The following RFX7 variants were observed in gnomAD, a reference collection of about 807,000 sequenced individuals.
The protein encoded by RFX7 is regulatory factor X7, also known as DNA-binding protein RFX7.
In RFX7, 26 loss-of-function variants were observed where a neutral mutation model predicts 111.8. The ratio of observed to expected loss-of-function variants is 0.23; its 90% confidence interval spans 0.17 to 0.32. RFX7 has a LOEUF of 0.32. Among genes scored for constraint, RFX7 ranks in the 10% least tolerant of loss-of-function variants. The pLI is 1.00. For missense variants in RFX7, 1,573 were observed against 1,772.9 expected (o/e 0.89, Z 2.02); for synonymous variants, 624 against 624.4 (o/e 1.00, Z 0.01).
intron 3 of RFX7, among the ~76,000 whole-genome samples, chr15:56,171,219 A>G (rs2042841889): frequency 6.6e-6 from 1 of 152,168 alleles, no homozygotes; most frequent in South Asian, 2.1e-4. Flanking sequence ...ACTGACCTCT[A>G]GGTTTTTAGG....
intron 3 of RFX7, among the ~76,000 whole-genome samples, chr15:56,165,627 A>C (rs2042773308): frequency 6.6e-6 from 1 of 152,156 alleles, no homozygotes; most frequent in African/African-American, 2.4e-5. Flanking sequence ...TCCATTTTTG[A>C]CCAGGTGAGT....
chr15:56,198,401 T>G (rs1400083616), intron 2 of RFX7, among the ~76,000 whole-genome samples: 1 of 152,144 alleles, frequency 6.6e-6, no homozygotes, highest in Non-Finnish European at 1.5e-5. Context: ...ATATGTTCCA[T>G]TAGAGTAAAA....
rs1159838428 is a variant in RFX7 at position 56,092,796 on chromosome 15, G to T, written c.*549C>A. On this transcript the variant is annotated 3_prime_UTR_variant, in exon 10 of 10. Transcript: ENST00000559447. ...TTTTCTATTTAAGCCCTTCATCGTG[G>T]GTGTAAATGGTACTGAAGCCCCAGA... is the stretch of plus-strand genomic sequence containing the variant. The T allele has an allele frequency of 6.6e-6, 1 of 152,326 alleles. No individual in the cohort carries two copies. The highest frequency in any genetic ancestry group is 6.6e-5 in the Admixed American group (1 of 15,228). 9.4% of individuals were successfully genotyped at this position (152,326 alleles called of 1,614,324 possible).
In RFX7 at chr15:56,144,446, T is replaced by C. The variant is rs575562664; in HGVS notation, c.233A>G (p.Tyr78Cys). Residue 78 changes from tyrosine (Y) to cysteine (C), a missense_variant, in exon 4 of 10, where the codon TAC becomes TGC. Transcript: ENST00000559447. The part of the protein sequence containing the change: ...VEKFTDLEKL[Y>C]LYLQLPSGLS... Reference sequence around the variant, plus strand: ...ACCAGAAGGCAGCTGAAGGTAGAGGTAGAGTTTCTCTAGGTCTGTAAACTT... The same window carrying C: ...ACCAGAAGGCAGCTGAAGGTAGAGGCAGAGTTTCTCTAGGTCTGTAAACTT... 2.2e-6 allele frequency: 3 copies of C among 1,365,976 alleles called. No homozygotes were observed. The highest frequency in any genetic ancestry group is 4.6e-5 in the East Asian group (1 of 21,976). 84.6% of individuals were successfully genotyped at this position (1,365,976 alleles called of 1,614,324 possible).
intron 3 of RFX7, among the ~76,000 whole-genome samples, chr15:56,172,528 A>C (rs779257352): frequency 6.6e-5 from 10 of 152,188 alleles, no homozygotes; most frequent in Non-Finnish European, 1.3e-4. Context: ...GCAGAGAGAG[A>C]TCAGCATTCA....
intron 5 of RFX7, among the ~76,000 whole-genome samples, chr15:56,125,610 A>AGTGTGTGT (rs10564650): frequency 3.9e-4 from 57 of 147,046 alleles, no homozygotes; most frequent in South Asian, 1.1e-3. Flanking sequence ...TGTGTGTGTG[A>AGTGTGTGT]GTGTGTGTGT....
intron 2 of RFX7, among the ~76,000 whole-genome samples, chr15:56,217,815 A>C (rs1271815857): frequency 2.0e-5 from 3 of 152,242 alleles, no homozygotes; most frequent in Non-Finnish European, 4.4e-5. Context: ...ATAACTCATG[A>C]AATGACAGTA....
At chr15:56,161,624 A>T (rs1432440244) in intron 3 of RFX7, among the ~76,000 whole-genome samples, 1 of 152,100 alleles carries the variant, frequency 6.6e-6, no homozygotes, top group Admixed American at 6.6e-5. Flanking sequence ...ATCCGGAAAG[A>T]AACACAACTA....
chr15:56,113,351 G>T (rs1160546178), intron 5 of RFX7, among the ~76,000 whole-genome samples: 1 of 152,154 alleles, frequency 6.6e-6, no homozygotes, highest in Non-Finnish European at 1.5e-5. Flanking sequence ...CCTTTGCAGG[G>T]ACATGGATCA....
chr15:56,135,220 C>G (rs1342709642), intron 5 of RFX7, among the ~76,000 whole-genome samples: 2 of 151,754 alleles, frequency 1.3e-5, no homozygotes, highest in Admixed American at 1.3e-4. Context: ...AACTAGTTTA[C>G]AGTCCCACCA....
At position 56,096,029 on chromosome 15, in the gene RFX7, C is replaced by A; in HGVS notation, c.1699G>T (p.Ala567Ser). Reference protein sequence around the residue: ...DEAKAPQTPSALLGQKSNTDG... With the variant: ...DEAKAPQTPSSLLGQKSNTDG... ...GTATTACTTTTCTGCCCCAAAAGGG[C>A]ACTAGGTGTCTGGGGAGCTTTAGCC... The change falls in exon 10 of 10, where the codon GCC becomes TCC. Residue 567 changes from alanine (A) to serine (S), a missense_variant. By Grantham distance (99) the Ala-to-Ser change is moderately conservative. Transcript: ENST00000559447. 1 of 1,613,094 alleles carries A rather than the reference C, an allele frequency of 6.2e-7. No individual in the cohort carries two copies. The highest frequency in any genetic ancestry group is 8.5e-7 in the Non-Finnish European group (1 of 1,179,502).
intron 2 of RFX7, among the ~76,000 whole-genome samples, chr15:56,198,070 G>A (rs2725871): frequency 6.6e-5 from 10 of 152,174 alleles, no homozygotes; most frequent in South Asian, 4.1e-4. Context: ...AACCTTTCTC[G>A]TAGGGACGGT....
chr15:56,163,318 AGT>A (rs2042746578), intron 3 of RFX7, among the ~76,000 whole-genome samples: 1 of 152,164 alleles, frequency 6.6e-6, no homozygotes, highest in African/African-American at 2.4e-5. Context: ...TATTGCTGGG[AGT>A]GTGTCACCTC....
chr15:56,193,154 G>T (rs1304712187), intron 2 of RFX7: 1 of 225,306 alleles, frequency 4.4e-6, no homozygotes, highest in Admixed American at 4.2e-5. Flanking sequence ...GGTCACTGCA[G>T]CAACCTGTGT....
At chr15:56,113,827 T>A (rs1435666763) in intron 5 of RFX7, among the ~76,000 whole-genome samples, 3 of 152,230 alleles carry the variant, frequency 2.0e-5, no homozygotes, top group Non-Finnish European at 2.9e-5. Context: ...TAGTGAGTCT[T>A]AGTATTCAAA....
intron 5 of RFX7, among the ~76,000 whole-genome samples, chr15:56,122,923 G>A (rs1233750189): frequency 6.6e-6 from 1 of 151,892 alleles, no homozygotes; most frequent in African/African-American, 2.4e-5. Context: ...CCCTTCAGAT[G>A]GTATTTCTCA....
intron 2 of RFX7, among the ~76,000 whole-genome samples, chr15:56,239,354 C>T (rs1468436670): frequency 9.2e-5 from 14 of 151,860 alleles, no homozygotes; most frequent in Admixed American, 3.9e-4. Context: ...CAGCAACCTC[C>T]GCCTCCTGGG....
chr15:56,138,929 T>G (rs1473663295), intron 5 of RFX7, among the ~76,000 whole-genome samples: 3 of 152,184 alleles, frequency 2.0e-5, no homozygotes, highest in African/African-American at 7.2e-5. Flanking sequence ...TCTTTAAGAA[T>G]GTTGAATATT....
chr15:56,217,861 G>A (rs10851604), intron 2 of RFX7, among the ~76,000 whole-genome samples: 19,849 of 152,100 alleles, frequency 0.13, 1,705 homozygotes, highest in East Asian at 0.44. Flanking sequence ...CCAATCTGTC[G>A]TGTTTTACCT....
Sources: gnomAD v4.1 joint callset for allele counts (sites outside exome capture counted in the v4.1 genomes callset) on GRCh38, gnomAD v4.1.1 for gene constraint, MANE v1.5 for transcripts, NCBI Gene and HGNC (gene_info 2026-07-23, HGNC 2026-07-21) for gene names.